SPOCD1: variants seen among roughly 807,000 people sequenced by gnomAD.
SPOCD1 encodes SPOC domain-containing protein 1.
SPOCD1 carries 64 observed loss-of-function variants against 92.2 expected under a neutral mutation model. The ratio of observed to expected loss-of-function variants is 0.69; its 90% CI spans 0.57 to 0.86. The LOEUF is 0.86. Ranked by LOEUF, SPOCD1 falls within the 40% of genes least tolerant of loss-of-function variation. The probability of loss-of-function intolerance (pLI) is 0.00; values close to 1 mark genes in which losing one functional copy is unlikely to be tolerated. For synonymous variants in SPOCD1, 578 were observed against 619.3 expected (o/e 0.93, Z 0.99); for missense variants, 1,360 against 1,543.1 (o/e 0.88, Z 1.99).
At chr1:31,796,784 C>A in intron 9 of SPOCD1, 69 bp from the exon 10 acceptor site, 1 of 1,605,036 alleles carries the variant, frequency 6.2e-7, no homozygotes, top group South Asian at 1.1e-5. Flanking sequence ...CCCAAGTGCT[C>A]ACTTTCCTCC....
intron 2 of SPOCD1, among the ~76,000 whole-genome samples, chr1:31,802,659 AG>A (rs1162737011): frequency 6.6e-6 from 1 of 152,268 alleles, no homozygotes; most frequent in African/African-American, 2.4e-5. Flanking sequence ...ATGAAATTCC[AG>A]GGAGACTTTC....
At chr1:31,808,051 C>A (rs1237870040) in intron 2 of SPOCD1, among the ~76,000 whole-genome samples, 1 of 152,116 alleles carries the variant, frequency 6.6e-6, no homozygotes, top group African/African-American at 2.4e-5. Flanking sequence ...ACCAGCCATT[C>A]TATCAAAATG....
intron 3 of SPOCD1, 122 bp from the exon 4 acceptor site, chr1:31,800,739 A>G (rs1648407326): frequency 3.5e-6 from 3 of 854,628 alleles, no homozygotes; most frequent in Non-Finnish European, 5.3e-6. Context: ...CTCCGTGAGG[A>G]TAGAGAACAT....
Position 31,814,440 on chromosome 1 carries a change from G to T in SPOCD1, c.894C>A (p.Gly298=). 2 of 1,606,254 alleles carry T rather than the reference G, an allele frequency of 1.2e-6. No homozygotes were observed. The highest frequency in any genetic ancestry group is 2.2e-5 in the South Asian group (2 of 90,228). ...LPATGDGPQP[G]SPCGPVGFPV... The stretch of plus-strand genomic sequence containing the variant: ...GGAACCCGACAGGGCCACAGGGGCT[G>T]CCTGGCTGGGGCCCATCCCCTGTAG... The change falls in exon 2 of 16, where the codon GGC becomes GGA. Residue 298 remains glycine, a synonymous_variant. Coordinates refer to ENST00000360482, the MANE Select transcript of SPOCD1 (RefSeq NM_144569.7). The surrounding 1 kb of genome is among the most constrained non-coding windows in gnomAD (Gnocchi z 4.2).
chr1:31,798,841 T>TGA lies in SPOCD1; in HGVS notation c.1869-241_1869-240insTC, dbSNP rs1648221047. On this transcript the variant is annotated intron_variant, in intron 7 of 15. Coordinates refer to ENST00000360482, the MANE Select transcript of SPOCD1 (RefSeq NM_144569.7). This position sits in a 1 kb window ranked among gnomAD's most constrained non-coding sequence, Gnocchi z 4.1. ...AAAATAAGAGGCTTACTCACAACTG[T>TGA]GTAATTAGTGGCAAAAGCAAGATTT... 6.9e-6 allele frequency: 4 copies of TGA among 578,562 alleles called. No individual in the cohort carries two copies. The highest frequency in any genetic ancestry group is 1.2e-5 in the Non-Finnish European group (4 of 327,240). 35.8% of individuals were successfully genotyped at this position (578,562 alleles called of 1,614,324 possible). A position where few individuals can be genotyped will look rare whatever the true frequency, so the allele number is the denominator to read the frequency against.
intron 2 of SPOCD1, among the ~76,000 whole-genome samples, chr1:31,810,757 T>C (rs1050201080): frequency 2.6e-5 from 4 of 152,236 alleles, no homozygotes; most frequent in Non-Finnish European, 5.9e-5. Flanking sequence ...GCTGCTCTTC[T>C]GTTAGGAAGA....
Position 31,814,790 on chromosome 1 carries a change from G to A in SPOCD1, c.544C>T (p.Pro182Ser). ...GGGGGCTCCTCTTTGCTGAGTGTGG[G>A]GCTTCTTCTGTCACACCCTGGAGAA... ...MSSPGCDRRS[P>S]TLSKEEPPGR... is the part of the protein sequence containing the mutation. The change falls in exon 2 of 16, where the codon CCC (proline) becomes TCC (serine). Residue 182 changes from proline (P) to serine (S), a missense_variant. Pro to Ser is a moderately conservative substitution (Grantham distance 74, BLOSUM62 -1). This residue lies in a region of SPOCD1 where 606 missense variants were observed against 601.5 expected (regional missense o/e 1.01). Transcript: ENST00000360482. This position sits in a 1 kb window ranked among gnomAD's most constrained non-coding sequence, Gnocchi z 4.2. 1 of 1,613,380 alleles carries A rather than the reference G, an allele frequency of 6.2e-7. No individual in the cohort carries two copies. The highest frequency in any genetic ancestry group is 8.5e-7 in the Non-Finnish European group (1 of 1,179,740).
intron 10 of SPOCD1, 35 bp downstream of exon 10, chr1:31,796,555 G>A (rs756697683): frequency 1.2e-6 from 2 of 1,614,208 alleles, no homozygotes; most frequent in East Asian, 2.2e-5. Context: ...CCAGGCATGG[G>A]CTCTGCCCAG....
At chr1:31,803,023 C>T (rs1293246381) in intron 2 of SPOCD1, among the ~76,000 whole-genome samples, 2 of 38,038 alleles carry the variant, frequency 5.3e-5, no homozygotes, top group Non-Finnish European at 1.2e-4. Context: ...ACAAAGAAAA[C>T]AGGGGTGTGG....
At chr1:31,805,345 C>G (rs146094144) in intron 2 of SPOCD1, among the ~76,000 whole-genome samples, 21 of 152,054 alleles carry the variant, frequency 1.4e-4, no homozygotes, top group African/African-American at 4.6e-4. Flanking sequence ...AACATCTAAA[C>G]TACTAGAGGG....
At position 31,798,476 on chromosome 1, in the gene SPOCD1, C is replaced by A. The variant is rs1472791118; in HGVS notation, c.1994G>T (p.Ser665Ile). The A allele has an allele frequency of 6.2e-7, 1 of 1,613,254 alleles. No individual in the cohort carries two copies. Among genetic ancestry groups the A allele is most frequent in the Non-Finnish European group, 8.5e-7 (1 of 1,179,634 alleles). Residue 665 changes from serine (S) to isoleucine (I), a missense_variant, in exon 8 of 16, where the codon AGC (serine) becomes ATC (isoleucine). By Grantham distance (142) the Ser-to-Ile change is moderately radical. This residue lies in a region of SPOCD1 where 614 missense variants were observed against 757.8 expected (regional missense o/e 0.81). Transcript: ENST00000360482. This position sits in a 1 kb window ranked among gnomAD's most constrained non-coding sequence, Gnocchi z 4.1. ...TNGRYKTKYR[S>I]LLFNLRDPRN... ...GGGGTCCCGCAGGTTGAACAGCAGG[C>A]TGCGATACTTGGTCTTGTACCGGCC...
At chr1:31,793,942 G>A (rs1291230600) in intron 11 of SPOCD1, 45 bp from the exon 12 acceptor site, 10 of 1,584,162 alleles carry the variant, frequency 6.3e-6, no homozygotes, top group Admixed American at 3.4e-5. Context: ...CAGCAGCAGC[G>A]CTGAAGCCAG....
chr1:31,795,419 A>G (rs1647935177), intron 10 of SPOCD1: 1 of 152,156 alleles, frequency 6.6e-6, no homozygotes, highest in Admixed American at 6.5e-5. Context: ...GGCCATTGTG[A>G]GATGTGAATG....
rs1570166267 is a variant in SPOCD1, at chr1:31,798,742, T to G, written c.1869-141A>C. On this transcript the variant is annotated intron_variant, in intron 7 of 15. Coordinates refer to ENST00000360482, the MANE Select transcript of SPOCD1 (RefSeq NM_144569.7). The surrounding 1 kb of genome is among the most constrained non-coding windows in gnomAD (Gnocchi z 4.1). Reference sequence around the variant, plus strand: ...GGGTGTTTCCCTGCAGGAACCTACTTATTCTCACCCCAACTCCGTGAGGAG... The same window carrying G: ...GGGTGTTTCCCTGCAGGAACCTACTGATTCTCACCCCAACTCCGTGAGGAG... 1.2e-6 allele frequency: 1 copy of G among 819,594 alleles called. No individual in the cohort carries two copies. The highest frequency in any genetic ancestry group is 2.7e-5 in the East Asian group (1 of 37,352). 50.8% of individuals were successfully genotyped at this position (819,594 alleles called of 1,614,324 possible).
Position 31,798,247 on chromosome 1 carries a change from G to A in SPOCD1, c.2105C>T (p.Pro702Leu). The change falls in exon 9 of 16, where the codon CCC becomes CTC. Residue 702 changes from proline to leucine, a missense_variant. Pro to Leu is a moderately conservative substitution (Grantham distance 98, BLOSUM62 -3). Transcript: ENST00000360482. The surrounding 1 kb of genome is among the most constrained non-coding windows in gnomAD (Gnocchi z 4.1). ...LVRMSSMQLA[P>L]QELARWRDQE... ...GTCCCGCCAGCGGGCCAGCTCCTGG[G>A]GGGCCAGCTGCATCGAGCTCATCCG... The A allele has an allele frequency of 6.2e-7, 1 of 1,614,104 alleles. No individual in the cohort carries two copies. Among genetic ancestry groups the A allele is most frequent in the African/African-American group, 1.3e-5 (1 of 75,058 alleles).
Position 31,815,098 on chromosome 1 carries a change from C to G in SPOCD1, c.236G>C (p.Arg79Pro), listed in dbSNP as rs201703298. Residue 79 changes from arginine (R) to proline (P), a missense_variant, in exon 2 of 16, where the codon CGG (arginine) becomes CCG (proline). Arg to Pro is a moderately radical substitution (Grantham distance 103). Transcript: ENST00000360482. ...SSRAAGAAEV[R>P]PGVLELLAVV... ...AGCTAGCAGCTCCAAGACCCCTGGC[C>G]GGACCTCAGCAGCACCTGCAGCCCG... 1 of 1,612,794 alleles carries G rather than the reference C, an allele frequency of 6.2e-7. No homozygotes were observed. The highest frequency in any genetic ancestry group is 8.5e-7 in the Non-Finnish European group (1 of 1,179,286).
At position 31,790,627 on chromosome 1, in the gene SPOCD1, C is replaced by T. The variant is rs1255405638; in HGVS notation, c.3627G>A (p.Glu1209=). The change falls in exon 16 of 16, where the codon GAG becomes GAA. Residue 1209 remains glutamate (E), a synonymous_variant. Transcript: ENST00000360482. ...GTCAGGCCTTTCTAGGGAAGGGACA[C>T]TCAGAGCCAGCTTCATCTGTAGGCC... ...SLGPTDEAGS[E]CPFPRKA 6.4e-7 allele frequency: 1 copy of T among 1,551,840 alleles called. No homozygotes were observed. The highest frequency in any genetic ancestry group is 8.7e-7 in the Non-Finnish European group (1 of 1,147,050).
intron 10 of SPOCD1, chr1:31,796,174 C>T (rs189035384): frequency 2.2e-4 from 62 of 287,284 alleles, no homozygotes; most frequent in Non-Finnish European, 3.2e-4. Flanking sequence ...CGGGTGGTTC[C>T]CTGCCTGGAG....
chr1:31,801,546 G>C, intron 3 of SPOCD1, 118 bp downstream of exon 3: 1 of 859,532 alleles, frequency 1.2e-6, no homozygotes, highest in South Asian at 1.5e-5. Flanking sequence ...AGGATCCACT[G>C]GGGGAGGGCA....
Sources: gnomAD v4.1 joint callset for allele counts (sites outside exome capture counted in the v4.1 genomes callset) on GRCh38, gnomAD v4.1.1 for gene constraint, gnomAD v4.1.1 regional missense constraint, Gnocchi (gnomAD v3.1) non-coding constraint, MANE v1.5 for transcripts, NCBI Gene and HGNC (gene_info 2026-07-23, HGNC 2026-07-21) for gene names.